KCNQ1: variants seen among roughly 807,000 people sequenced by gnomAD.
KCNQ1 encodes potassium voltage-gated channel subfamily Q member 1, also known as potassium voltage-gated channel subfamily KQT member 1.
In KCNQ1, 49 loss-of-function variants were observed where a neutral mutation model predicts 72.4. That is an observed-to-expected ratio of 0.68 (90% CI 0.54 to 0.86). The LOEUF (loss-of-function observed/expected upper bound fraction) is 0.86. Ranked by LOEUF, KCNQ1 falls within the 40% of genes least tolerant of loss-of-function variation. The pLI is 0.00. For synonymous variants in KCNQ1, 450 were observed against 412.6 expected (o/e 1.09, Z -1.10); for missense variants, 790 against 945.1 (o/e 0.84, Z 2.15).
chr11:2,458,948 T>G lies in KCNQ1; in HGVS notation c.386+13464T>G, dbSNP rs1452204627. 6.6e-6 allele frequency among the ~76,000 whole-genome samples: 1 copy of G among 152,232 alleles called. No individual in the cohort carries two copies. Among genetic ancestry groups the G allele is most frequent in the Non-Finnish European group, 1.5e-5 (1 of 68,036 alleles). On this transcript the variant is annotated intron_variant, in intron 1 of 15. Coordinates refer to ENST00000155840, the MANE Select transcript of KCNQ1 (RefSeq NM_000218.3). This position sits in a 1 kb window ranked among gnomAD's most constrained non-coding sequence, Gnocchi z 4.6. ...CAATAAATGATGACAAATATTGGATTAAATTACTTCTGGTTTGCTGCATGT... is the reference window on the plus strand; with the variant it reads ...CAATAAATGATGACAAATATTGGATGAAATTACTTCTGGTTTGCTGCATGT...
rs1847428533 is a variant in KCNQ1, at chr11:2,808,832, C to A, written c.1794+30795C>A. On this transcript the variant is annotated intron_variant, in intron 15 of 15. Transcript: ENST00000155840. This position sits in a 1 kb window ranked among gnomAD's most constrained non-coding sequence, Gnocchi z 6.0. ...ATACATGGGCAGATTAATGGATGGA[C>A]AGATTGTTGTATGGAGGATTAGGGG... Among the ~76,000 whole-genome samples the A allele has an allele frequency of 6.6e-6, 1 of 151,892 alleles. No individual in the cohort carries two copies.
intron 11 of KCNQ1, among the ~76,000 whole-genome samples, chr11:2,763,748 G>T (rs1416348699): frequency 6.6e-6 from 1 of 152,090 alleles, no homozygotes; most frequent in African/African-American, 2.4e-5. Flanking sequence ...TTTTTCTACA[G>T]ATGGGGTCTC....
chr11:2,638,187 TA>T (rs1373610124), intron 10 of KCNQ1: 1 of 152,234 alleles, frequency 6.6e-6, no homozygotes, highest in Non-Finnish European at 1.5e-5. Flanking sequence ...CATTTAAGGT[TA>T]ATATTGTTAT....
intron 10 of KCNQ1, chr11:2,650,742 C>T (rs971607044): frequency 5.0e-6 from 2 of 398,618 alleles, no homozygotes; most frequent in Non-Finnish European, 4.4e-6. Context: ...GAATTTGGCT[C>T]ACTTTGCTAC....
intron 11 of KCNQ1, among the ~76,000 whole-genome samples, chr11:2,755,707 T>A (rs1394908520): frequency 6.6e-6 from 1 of 152,248 alleles, no homozygotes; most frequent in Non-Finnish European, 1.5e-5. Context: ...TAGGACATCT[T>A]TGGGGGAGCC....
chr11:2,721,831 A>G (rs1203946196), intron 11 of KCNQ1, among the ~76,000 whole-genome samples: 1 of 152,208 alleles, frequency 6.6e-6, no homozygotes, highest in African/African-American at 2.4e-5. Context: ...CTGTCTGTCC[A>G]TCCATCCATC....
Position 2,493,043 on chromosome 11 carries a change from G to A in KCNQ1, c.387-34885G>A, listed in dbSNP as rs1262715473. Among the ~76,000 whole-genome samples the A allele has an allele frequency of 3.3e-5, 5 of 152,072 alleles. No individual in the cohort carries two copies. The highest frequency in any genetic ancestry group is 7.2e-5 in the African/African-American group (3 of 41,388). ...GTTGTTTCCTGATTTTTTAGTGATC[G>A]CCATTCTAACTGGCATGAGATGGTA... On this transcript the variant is annotated intron_variant, in intron 1 of 15. Coordinates refer to ENST00000155840, the MANE Select transcript of KCNQ1 (RefSeq NM_000218.3). This position sits in a 1 kb window ranked among gnomAD's most constrained non-coding sequence, Gnocchi z 5.3.
intron 15 of KCNQ1, among the ~76,000 whole-genome samples, chr11:2,802,316 A>AGCC (rs1847284747): frequency 6.6e-6 from 1 of 152,194 alleles, no homozygotes; most frequent in African/African-American, 2.4e-5. Context: ...CCCTGTCGCC[A>AGCC]GCCGGCAGCA....
rs1420468135 is a variant in KCNQ1, at chr11:2,748,382, G to A, written c.1515-20462G>A. ...TGTCCCAGTAAGGGTGGTTGTGTGT[G>A]TTGGGTAGATGTGGTGAGGTGTGCT... is the stretch of plus-strand genomic sequence containing the variant. On this transcript the variant is annotated intron_variant, in intron 11 of 15. Transcript: ENST00000155840. This position sits in a 1 kb window ranked among gnomAD's most constrained non-coding sequence, Gnocchi z 6.2. 6.6e-6 allele frequency among the ~76,000 whole-genome samples: 1 copy of A among 152,232 alleles called. No individual in the cohort carries two copies. Among genetic ancestry groups the A allele is most frequent in the African/African-American group, 2.4e-5 (1 of 41,450 alleles).
chr11:2,569,381 C>T (rs1270111636), intron 2 of KCNQ1, among the ~76,000 whole-genome samples: 1 of 152,246 alleles, frequency 6.6e-6, no homozygotes, highest in African/African-American at 2.4e-5. Context: ...ATCATTCCAT[C>T]CTAATTAATA....
intron 1 of KCNQ1, among the ~76,000 whole-genome samples, chr11:2,502,161 C>G (rs1028078744): frequency 6.6e-6 from 1 of 152,162 alleles, no homozygotes; most frequent in African/African-American, 2.4e-5. Flanking sequence ...ACTTTCATCA[C>G]TGTTATTTAA....
rs1291921064 is a variant in KCNQ1, at chr11:2,491,266, C to A, written c.387-36662C>A. Among the ~76,000 whole-genome samples, 1 of 152,102 alleles carries A rather than the reference C, an allele frequency of 6.6e-6. No individual in the cohort carries two copies. Among genetic ancestry groups the A allele is most frequent in the Non-Finnish European group, 1.5e-5 (1 of 68,020 alleles). ...ACAAACTAAATAAAGCATCAGGGACCAATCCTGAAGAAAAGAGATATGTGA... is the reference window on the plus strand; with the variant it reads ...ACAAACTAAATAAAGCATCAGGGACAAATCCTGAAGAAAAGAGATATGTGA... On this transcript the variant is annotated intron_variant, in intron 1 of 15. Transcript: ENST00000155840. This position sits in a 1 kb window ranked among gnomAD's most constrained non-coding sequence, Gnocchi z 4.1.
intron 1 of KCNQ1, among the ~76,000 whole-genome samples, chr11:2,523,945 C>T (rs1312512882): frequency 1.3e-5 from 2 of 151,958 alleles, no homozygotes; most frequent in Non-Finnish European, 2.9e-5. Flanking sequence ...GATTCGGGTG[C>T]ATGACTCGCA....
At position 2,541,980 on chromosome 11, in the gene KCNQ1, T is replaced by C. The variant is rs538030351; in HGVS notation, c.477+13962T>C. On this transcript the variant is annotated intron_variant, in intron 2 of 15. Transcript: ENST00000155840. The surrounding 1 kb of genome is among the most constrained non-coding windows in gnomAD (Gnocchi z 4.8). ...GAGCTGCACCGTGGGGTCCCCTGGC[T>C]TGGGGTGGGCCTCAGAGGCTGTCGC... 7.0e-4 allele frequency among the ~76,000 whole-genome samples: 106 copies of C among 152,294 alleles called. No homozygotes were observed. The highest frequency in any genetic ancestry group is 2.3e-3 in the African/African-American group (96 of 41,578).
Position 2,834,754 on chromosome 11 carries a change from G to A in KCNQ1, c.1795-13013G>A, listed in dbSNP as rs150995663. ...CACCCCCAAGCCCCAGATGGGCCTC[G>A]AATGCCAGGCAGGGCCAAGCTGGGC... On this transcript the variant is annotated intron_variant, in intron 15 of 15. Coordinates refer to ENST00000155840, the MANE Select transcript of KCNQ1 (RefSeq NM_000218.3). Among the ~76,000 whole-genome samples, 514 of 152,312 alleles carry A rather than the reference G, an allele frequency of 3.4e-3. 5 individuals are homozygous for A. The highest frequency in any genetic ancestry group is 0.012 in the African/African-American group (489 of 41,562).
chr11:2,551,101 T>A (rs61022788), intron 2 of KCNQ1, among the ~76,000 whole-genome samples: 5,243 of 152,262 alleles, frequency 0.034, 119 homozygotes, highest in Admixed American at 0.054. Context: ...ATTTCTTCTT[T>A]TAAATTTAGG....
At chr11:2,622,148 G>C (rs530419891) in intron 10 of KCNQ1, 1 of 398,296 alleles carries the variant, frequency 2.5e-6, no homozygotes, top group African/African-American at 2.1e-5. Context: ...CTGAAAGTAC[G>C]TTATTGAAGT....
At chr11:2,453,866 T>C (rs897395856) in intron 1 of KCNQ1, among the ~76,000 whole-genome samples, 2 of 152,224 alleles carry the variant, frequency 1.3e-5, no homozygotes, top group Admixed American at 1.3e-4. Context: ...AATCAGAGAT[T>C]TGTGGAATAT....
chr11:2,848,426 C>A lies in KCNQ1; in HGVS notation c.*423C>A. 4.3e-6 allele frequency: 2 copies of A among 470,474 alleles called. No individual in the cohort carries two copies. Among genetic ancestry groups the A allele is most frequent in the Non-Finnish European group, 8.4e-6 (2 of 238,182 alleles). The allele number at this position is 470,474 out of a possible 1,614,324, so 29.1% of individuals were successfully genotyped here. ...CAACCCCTGGACCCCAGCCTCAAAT[C>A]CAGGACCCTGCCAGGCACAGGCAGG... On this transcript the variant is annotated 3_prime_UTR_variant, in exon 16 of 16. Transcript: ENST00000155840.
Sources: gnomAD v4.1 joint callset for allele counts (sites outside exome capture counted in the v4.1 genomes callset) on GRCh38, gnomAD v4.1.1 for gene constraint, Gnocchi (gnomAD v3.1) non-coding constraint, MANE v1.5 for transcripts, NCBI Gene and HGNC (gene_info 2026-07-23, HGNC 2026-07-21) for gene names.